Variants in BMPR1A observed in about 807,000 individuals in gnomAD.
BMPR1A encodes the protein bone morphogenetic protein receptor type-1A.
A neutral mutation model predicts 66.0 loss-of-function variants in BMPR1A; 7 were observed. The observed-to-expected ratio is 0.11, with a 90% CI of 0.06 to 0.20. BMPR1A has a LOEUF of 0.20. BMPR1A is among the 10% of genes least tolerant of loss of function. The probability of loss-of-function intolerance (pLI) is 1.00; values close to 1 mark genes in which losing one functional copy is unlikely to be tolerated. For missense variants in BMPR1A, 408 were observed against 669.1 expected, an observed-to-expected ratio of 0.61 and a Z score of 4.31; for synonymous variants, 200 against 229.7, an observed-to-expected ratio of 0.87 and a Z score of 1.17.
intron 1 of BMPR1A, among the ~76,000 whole-genome samples, chr10:86,796,627 A>G (rs1841714990): frequency 6.6e-6 from 1 of 151,000 alleles, no homozygotes; most frequent in South Asian, 2.1e-4. Context: ...CCCAGGCTGG[A>G]GTACAGTGGC....
intron 7 of BMPR1A, among the ~76,000 whole-genome samples, chr10:86,902,462 G>GT (rs1843326622): frequency 6.6e-6 from 1 of 151,954 alleles, no homozygotes; most frequent in South Asian, 2.1e-4. Context: ...CAGCCACATA[G>GT]TAAAGAACCC....
At chr10:86,791,910 G>A (rs1345157857) in intron 1 of BMPR1A, among the ~76,000 whole-genome samples, 2 of 148,100 alleles carry the variant, frequency 1.4e-5, no homozygotes, top group Admixed American at 6.8e-5. Context: ...TAGAGATGGG[G>A]GTTTCACCAC....
At chr10:86,806,629 A>G (rs1841892051) in intron 1 of BMPR1A, among the ~76,000 whole-genome samples, 1 of 151,996 alleles carries the variant, frequency 6.6e-6, no homozygotes, top group Admixed American at 6.6e-5. Context: ...ACAGCTCTCT[A>G]CAGCCTTCAC....
intron 7 of BMPR1A, among the ~76,000 whole-genome samples, chr10:86,903,467 A>G (rs1843340750): frequency 6.6e-6 from 1 of 152,030 alleles, no homozygotes; most frequent in Admixed American, 6.6e-5. Context: ...ATAGGAATGA[A>G]TAGAGAATAG....
At chr10:86,861,181 TGAAAA>T (rs372654348) in intron 2 of BMPR1A, among the ~76,000 whole-genome samples, 46 of 152,240 alleles carry the variant, frequency 3.0e-4, no homozygotes, top group African/African-American at 1.1e-3. Flanking sequence ...CATTTCAACC[TGAAAA>T]GATGTTGTAA....
At chr10:86,894,111 T>C (rs1013312422) in intron 5 of BMPR1A, among the ~76,000 whole-genome samples, 3 of 152,244 alleles carry the variant, frequency 2.0e-5, no homozygotes, top group Admixed American at 6.5e-5. Context: ...GAGTGTGATA[T>C]GACCAAGGAA....
chr10:86,788,809 A>G lies in BMPR1A; in HGVS notation c.-268+31890A>G, dbSNP rs921952178. On this transcript the variant is annotated intron_variant, in intron 1 of 12. Coordinates refer to ENST00000372037, the MANE Select transcript of BMPR1A (RefSeq NM_004329.3). ...TTTAGTAGAGATAGGGTTTCATCAT[A>G]TTGGCCAGGCTGGTCTCGAACTCCT... Among the ~76,000 whole-genome samples the G allele has an allele frequency of 4.6e-5, 7 of 151,884 alleles. No individual in the cohort carries two copies. The South Asian group carries it at 1.2e-3, about 27-fold the overall frequency.
chr10:86,884,800 A>C (rs995580866), intron 3 of BMPR1A, among the ~76,000 whole-genome samples: 1 of 152,140 alleles, frequency 6.6e-6, no homozygotes, highest in Non-Finnish European at 1.5e-5. Context: ...ATGACACTGC[A>C]TGTCAGTATG....
chr10:86,915,915 A>G (rs545592653), intron 8 of BMPR1A, among the ~76,000 whole-genome samples: 144 of 152,334 alleles, frequency 9.5e-4, no homozygotes, highest in African/African-American at 3.4e-3. Flanking sequence ...CTTTTATTTA[A>G]CAAATATTAA....
At chr10:86,802,599 G>A (rs1474409229) in intron 1 of BMPR1A, among the ~76,000 whole-genome samples, 1 of 151,512 alleles carries the variant, frequency 6.6e-6, no homozygotes, top group East Asian at 1.9e-4. Context: ...GGTTCAAGTA[G>A]CTCTCAGATC....
At chr10:86,859,884 C>T (rs1842691278) in intron 2 of BMPR1A, among the ~76,000 whole-genome samples, 1 of 152,092 alleles carries the variant, frequency 6.6e-6, no homozygotes, top group Admixed American at 6.5e-5. Flanking sequence ...CCAAAACCTC[C>T]CTTAGACCTA....
intron 1 of BMPR1A, among the ~76,000 whole-genome samples, chr10:86,759,901 A>T (rs975535739): frequency 1.3e-5 from 2 of 151,626 alleles, no homozygotes; most frequent in Non-Finnish European, 2.9e-5. Flanking sequence ...AATGTTTCAC[A>T]TTTTTTTCAG....
At chr10:86,790,249 G>A (rs1841596190) in intron 1 of BMPR1A, among the ~76,000 whole-genome samples, 4 of 108,748 alleles carry the variant, frequency 3.7e-5, no homozygotes, top group African/African-American at 6.6e-5. Flanking sequence ...AAACCACAAT[G>A]AGATTCTGCT....
At chr10:86,915,130 G>T (rs904713808) in intron 8 of BMPR1A, among the ~76,000 whole-genome samples, 6 of 152,152 alleles carry the variant, frequency 3.9e-5, no homozygotes, top group African/African-American at 1.2e-4. Context: ...ACACAAAAGT[G>T]ATTCTCCTGC....
chr10:86,845,339 C>G (rs946015472), intron 2 of BMPR1A, among the ~76,000 whole-genome samples: 1 of 152,108 alleles, frequency 6.6e-6, no homozygotes, highest in Admixed American at 6.5e-5. Flanking sequence ...CACTGTTGTC[C>G]CACCAAAGGA....
At chr10:86,932,192 G>C (rs900271730), downstream of BMPR1A, 7 of 152,032 alleles carry the variant, frequency 4.6e-5, no homozygotes, top group African/African-American at 1.5e-4. Context: ...ATTTTTTTCT[G>C]ACCTATTAGA....
chr10:86,779,777 T>G (rs1841407163), intron 1 of BMPR1A, among the ~76,000 whole-genome samples: 1 of 151,788 alleles, frequency 6.6e-6, no homozygotes, highest in Non-Finnish European at 1.5e-5. Flanking sequence ...TTTTTAAGAG[T>G]TTTTTGGAGA....
intron 1 of BMPR1A, among the ~76,000 whole-genome samples, chr10:86,768,742 C>T (rs998543602): frequency 1.3e-5 from 2 of 152,180 alleles, no homozygotes; most frequent in African/African-American, 2.4e-5. Flanking sequence ...AGTTATGCAT[C>T]GGTGTGTTTA....
chr10:86,802,450 A>G, intron 1 of BMPR1A, among the ~76,000 whole-genome samples: 1 of 152,242 alleles, frequency 6.6e-6, no homozygotes, highest in East Asian at 1.9e-4. Flanking sequence ...TCTATACTGC[A>G]CATACAAATG....
Sources: allele counts gnomAD v4.1 joint callset (sites outside exome capture counted in the v4.1 genomes callset), GRCh38; gene constraint gnomAD v4.1.1; transcripts MANE v1.5; gene names NCBI Gene and HGNC (gene_info 2026-07-23, HGNC 2026-07-21).